The following GRM7 variants were observed in gnomAD, a reference collection of about 807,000 sequenced individuals.
The protein encoded by GRM7 is glutamate metabotropic receptor 7, also known as metabotropic glutamate receptor 7.
Under a neutral mutation model 84.5 loss-of-function variants are expected in GRM7, and 35 were observed. That is an observed-to-expected ratio of 0.41 (90% CI 0.32 to 0.55). The LOEUF (loss-of-function observed/expected upper bound fraction) is 0.55. GRM7 is among the 20% of genes least tolerant of loss of function. The probability of loss-of-function intolerance (pLI) is 0.19; values close to 1 mark genes in which losing one functional copy is unlikely to be tolerated. For synonymous variants in GRM7, 487 were observed against 455.1 expected (o/e 1.07, Z -0.89); for missense variants, 1,003 against 1,194.6 (o/e 0.84, Z 2.36).
intron 7 of GRM7, among the ~76,000 whole-genome samples, chr3:7,549,816 T>C (rs1693359619): frequency 6.6e-6 from 1 of 152,242 alleles, no homozygotes; most frequent in South Asian, 2.1e-4. Flanking sequence ...ATTGACCTTG[T>C]AGAAAAGATA....
intron 1 of GRM7, among the ~76,000 whole-genome samples, chr3:6,967,342 C>G (rs1463242463): frequency 6.6e-6 from 1 of 151,942 alleles, no homozygotes; most frequent in Non-Finnish European, 1.5e-5. Context: ...ATAGGCATGC[C>G]CCACCAAGCC....
chr3:7,535,650 G>A (rs895254547), intron 7 of GRM7, among the ~76,000 whole-genome samples: 6 of 152,198 alleles, frequency 3.9e-5, no homozygotes, highest in African/African-American at 1.4e-4. Context: ...GTCTCTGTCA[G>A]GCATTGAAGA....
At chr3:7,298,286 A>G (rs1385811242) in intron 2 of GRM7, among the ~76,000 whole-genome samples, 1 of 152,168 alleles carries the variant, frequency 6.6e-6, no homozygotes, top group Non-Finnish European at 1.5e-5. Context: ...ACAGAGATAC[A>G]CAGAGCTTTA....
chr3:7,562,859 T>C lies in GRM7; in HGVS notation c.1516-15563T>C, dbSNP rs139338637. 2.1e-3 allele frequency among the ~76,000 whole-genome samples: 314 copies of C among 152,278 alleles called. 3 individuals are homozygous for C. The highest frequency in any genetic ancestry group is 7.4e-3 in the African/African-American group (307 of 41,564). ...TGTGTCTGTATTGGATAGAGTGGTT[T>C]CTTTTTCTCAAAAGATTATGTTGCA... On this transcript the variant is annotated intron_variant, in intron 7 of 9. Coordinates refer to ENST00000357716, the MANE Select transcript of GRM7 (RefSeq NM_000844.4).
chr3:7,223,803 G>A (rs946351012), intron 2 of GRM7, among the ~76,000 whole-genome samples: 2 of 152,170 alleles, frequency 1.3e-5, no homozygotes, highest in Non-Finnish European at 2.9e-5. Flanking sequence ...TTTTCTAGAT[G>A]GAAAACTGTG....
intron 2 of GRM7, among the ~76,000 whole-genome samples, chr3:7,258,373 T>A (rs995198565): frequency 3.3e-5 from 5 of 152,082 alleles, no homozygotes; most frequent in Middle Eastern, 6.8e-3. Flanking sequence ...ATGCCAACAT[T>A]TGAAAACCCT....
At chr3:7,080,570 A>G (rs1192880204) in intron 1 of GRM7, among the ~76,000 whole-genome samples, 1 of 151,992 alleles carries the variant, frequency 6.6e-6, no homozygotes, top group Non-Finnish European at 1.5e-5. Context: ...GCCCTTTCTT[A>G]TATACTGTAT....
chr3:7,021,989 C>G (rs930191473), intron 1 of GRM7, among the ~76,000 whole-genome samples: 1 of 152,056 alleles, frequency 6.6e-6, no homozygotes. Context: ...GCATAACCAA[C>G]CAAATATGAT....
At chr3:7,653,929 G>A (rs1699069005) in intron 8 of GRM7, among the ~76,000 whole-genome samples, 1 of 152,148 alleles carries the variant, frequency 6.6e-6, no homozygotes, top group African/African-American at 2.4e-5. Context: ...GACCAGTGCT[G>A]CTTCCAAATC....
chr3:7,415,000 C>A, intron 4 of GRM7, 23 bp from the exon 5 acceptor site: 1 of 1,593,202 alleles, frequency 6.3e-7, no homozygotes. Flanking sequence ...CAAGCAATGA[C>A]CTTTTCATTT....
intron 2 of GRM7, among the ~76,000 whole-genome samples, chr3:7,199,902 G>T (rs1330583751): frequency 6.6e-6 from 1 of 152,130 alleles, no homozygotes; most frequent in Non-Finnish European, 1.5e-5. Context: ...TCCATTTTGT[G>T]TTGCTATAAT....
chr3:7,556,476 G>C (rs1693764786), intron 7 of GRM7, among the ~76,000 whole-genome samples: 1 of 152,122 alleles, frequency 6.6e-6, no homozygotes. Flanking sequence ...ATGGCACATA[G>C]TAAACTATGC....
intron 2 of GRM7, among the ~76,000 whole-genome samples, chr3:7,222,561 C>T (rs527555056): frequency 1.3e-5 from 2 of 152,262 alleles, no homozygotes; most frequent in African/African-American, 4.8e-5. Flanking sequence ...CAGAAAGGAA[C>T]TCCGCCCTGC....
At chr3:7,372,348 C>T (rs1230096118) in intron 4 of GRM7, among the ~76,000 whole-genome samples, 2 of 152,164 alleles carry the variant, frequency 1.3e-5, no homozygotes, top group African/African-American at 4.8e-5. Flanking sequence ...TTTGTGTCCT[C>T]AGTTGTGTAC....
intron 4 of GRM7, among the ~76,000 whole-genome samples, chr3:7,369,991 C>G (rs535462680): frequency 1.3e-4 from 20 of 152,214 alleles, no homozygotes; most frequent in Non-Finnish European, 2.5e-4. Context: ...CATGGGAAAT[C>G]TCTCTGGGAA....
intron 2 of GRM7, among the ~76,000 whole-genome samples, chr3:7,240,335 C>A (rs1403250077): frequency 6.6e-6 from 1 of 150,534 alleles, no homozygotes; most frequent in African/African-American, 2.4e-5. Flanking sequence ...GAACTCATGG[C>A]CTGGAATTGT....
rs574102033 is a variant in GRM7 at position 7,312,396 on chromosome 3, G to T, written c.1033+5744G>T. On this transcript the variant is annotated intron_variant, in intron 4 of 9. Coordinates refer to ENST00000357716, the MANE Select transcript of GRM7 (RefSeq NM_000844.4). ...TCCTCAAAAGGAAGGGAGGCAATCA[G>T]TAGACTCATATGAGAGAAGTAGGTG... 2.6e-5 allele frequency among the ~76,000 whole-genome samples: 4 copies of T among 152,130 alleles called. No homozygotes were observed. In the South Asian group the frequency reaches 8.3e-4, roughly 32 times the overall value.
intron 1 of GRM7, among the ~76,000 whole-genome samples, chr3:6,950,991 C>T (rs142353368): frequency 6.6e-6 from 1 of 152,152 alleles, no homozygotes; most frequent in Non-Finnish European, 1.5e-5. Flanking sequence ...ATTCCCTGAC[C>T]CCTTGCGCTT....
intron 7 of GRM7, among the ~76,000 whole-genome samples, chr3:7,479,513 T>C (rs1699048929): frequency 6.6e-6 from 1 of 152,146 alleles, no homozygotes; most frequent in South Asian, 2.1e-4. Context: ...CCAGAGTTTC[T>C]GTGTTAAAGT....
Sources: allele counts gnomAD v4.1 joint callset (sites outside exome capture counted in the v4.1 genomes callset), GRCh38; gene constraint gnomAD v4.1.1; transcripts MANE v1.5; gene names NCBI Gene and HGNC (gene_info 2026-07-23, HGNC 2026-07-21).